Variants in NKIRAS1 observed in about 807,000 individuals in gnomAD.
The protein encoded by NKIRAS1 is NF-kappa-B inhibitor-interacting Ras-like protein 1.
Under a neutral mutation model 19.8 loss-of-function variants are expected in NKIRAS1, and 16 were observed. The observed-to-expected ratio is 0.81, with a 90% CI of 0.55 to 1.23. The LOEUF is 1.23. Ranked by LOEUF, NKIRAS1 falls within the 50% of genes most tolerant of loss-of-function variation. The probability of loss-of-function intolerance (pLI) is 0.00; values close to 1 mark genes in which losing one functional copy is unlikely to be tolerated. For missense variants in NKIRAS1, 184 were observed against 220.0 expected (o/e 0.84, Z 1.04); for synonymous variants, 88 against 79.0 (o/e 1.11, Z -0.61).
chr3:23,899,792 G>T (rs1702324515), intron 4 of NKIRAS1, among the ~76,000 whole-genome samples: 1 of 152,210 alleles, frequency 6.6e-6, no homozygotes, highest in South Asian at 2.1e-4. Context: ...TGGTATATGG[G>T]TAGAATCCAA....
intron 1 of NKIRAS1, among the ~76,000 whole-genome samples, chr3:23,938,272 C>T (rs1705433202): frequency 6.8e-6 from 1 of 147,102 alleles, no homozygotes; most frequent in Non-Finnish European, 1.5e-5. Flanking sequence ...TGCAGTAGTA[C>T]GATCACAACT....
At chr3:23,938,151 T>C (rs978060950) in intron 1 of NKIRAS1, among the ~76,000 whole-genome samples, 1 of 151,928 alleles carries the variant, frequency 6.6e-6, no homozygotes, top group African/African-American at 2.4e-5. Flanking sequence ...ATCCTAACAC[T>C]TAGAAAAATA....
At chr3:23,939,061 A>G (rs1575135256) in intron 1 of NKIRAS1, among the ~76,000 whole-genome samples, 1 of 152,344 alleles carries the variant, frequency 6.6e-6, no homozygotes, top group East Asian at 1.9e-4. Flanking sequence ...GCTTCATCAT[A>G]GATAACAAAA....
chr3:23,915,459 T>A (rs568251061), intron 1 of NKIRAS1, among the ~76,000 whole-genome samples: 2 of 152,238 alleles, frequency 1.3e-5, no homozygotes, highest in South Asian at 4.1e-4. Flanking sequence ...ACCAACAAAG[T>A]TGCTGAAATT....
upstream of NKIRAS1, chr3:23,921,565 ATTGAG>A: frequency 3.4e-6 from 2 of 595,246 alleles, no homozygotes; most frequent in Non-Finnish European, 3.0e-6. Flanking sequence ...AACATTGATT[ATTGAG>A]TTTTTTTTTT....
chr3:23,942,611 A>G (rs1401224203), intron 1 of NKIRAS1, among the ~76,000 whole-genome samples: 1 of 151,926 alleles, frequency 6.6e-6, no homozygotes, highest in Non-Finnish European at 1.5e-5. Flanking sequence ...TTGTATTTTT[A>G]GTAGAGACGG....
chr3:23,897,081 G>A (rs1369481706), intron 4 of NKIRAS1, among the ~76,000 whole-genome samples: 2 of 152,072 alleles, frequency 1.3e-5, no homozygotes, highest in East Asian at 1.9e-4. Context: ...GCATGGTGAT[G>A]TACTCCTGTA....
At chr3:23,944,331 G>A (rs1411352327) in intron 1 of NKIRAS1, among the ~76,000 whole-genome samples, 4 of 152,118 alleles carry the variant, frequency 2.6e-5, no homozygotes, top group Non-Finnish European at 5.9e-5. Context: ...CTATAGTGAA[G>A]AATTTCAGAG....
At chr3:23,906,391 T>C (rs957112630) in intron 3 of NKIRAS1, among the ~76,000 whole-genome samples, 10 of 152,142 alleles carry the variant, frequency 6.6e-5, no homozygotes, top group Admixed American at 1.3e-4. Flanking sequence ...TTGGCTTCCA[T>C]GAAAACAAAA....
intron 1 of NKIRAS1, chr3:23,945,495 GGGCGGCGCGGCGCTGAGGCGGCGGC>G: frequency 1.1e-6 from 1 of 873,580 alleles, no homozygotes; most frequent in Non-Finnish European, 1.4e-6. Flanking sequence ...TTCCAGCCCG[GGGCGGCGCGGCGCTGAGGCGGCGGC>G]GGCGGCGCTG....
upstream of NKIRAS1, chr3:23,918,099 G>A (rs572260705): frequency 5.3e-5 from 82 of 1,539,882 alleles, 2 homozygotes; most frequent in South Asian, 9.8e-4. Flanking sequence ...CCAGCTGTTA[G>A]GAAGACACTG....
chr3:23,902,839 C>T (rs757949799), intron 3 of NKIRAS1, among the ~76,000 whole-genome samples: 8 of 152,166 alleles, frequency 5.3e-5, no homozygotes, highest in Non-Finnish European at 1.0e-4. Context: ...TGAGTTCCAC[C>T]ATGAAAACAG....
At chr3:23,939,937 A>C (rs371394230) in intron 1 of NKIRAS1, among the ~76,000 whole-genome samples, 3 of 152,242 alleles carry the variant, frequency 2.0e-5, no homozygotes, top group Admixed American at 6.5e-5. Context: ...TGTAATGATG[A>C]ATTTGGTTGC....
chr3:23,940,168 CAAAAAAAAAAAAA>C (rs1293108063), intron 1 of NKIRAS1, among the ~76,000 whole-genome samples: 1 of 71,778 alleles, frequency 1.4e-5, no homozygotes, highest in Non-Finnish European at 2.8e-5. Flanking sequence ...CCATCTCTAC[CAAAAAAAAAAAAA>C]AAAAAAAAAA....
intron 3 of NKIRAS1, among the ~76,000 whole-genome samples, chr3:23,904,444 AG>A (rs1233122699): frequency 6.6e-6 from 1 of 152,154 alleles, no homozygotes; most frequent in African/African-American, 2.4e-5. Flanking sequence ...AGGGCAAGAG[AG>A]CACTCCCTTC....
chr3:23,945,582 G>C, intron 1 of NKIRAS1: 6 of 1,173,714 alleles, frequency 5.1e-6, no homozygotes, highest in Non-Finnish European at 6.4e-6. Context: ...GGGCACCATG[G>C]AGGTGAATGC....
intron 1 of NKIRAS1, among the ~76,000 whole-genome samples, chr3:23,930,170 A>G (rs1705281993): frequency 6.6e-6 from 1 of 152,206 alleles, no homozygotes; most frequent in South Asian, 2.1e-4. Context: ...AGAGTGTCAC[A>G]TTGAGAGCTG....
At chr3:23,905,460 C>A (rs1309992352) in intron 3 of NKIRAS1, among the ~76,000 whole-genome samples, 1 of 152,072 alleles carries the variant, frequency 6.6e-6, no homozygotes, top group Non-Finnish European at 1.5e-5. Context: ...GAGTTCCATA[C>A]CCATCAAAAT....
chr3:23,896,109 T>C (rs1701961090), intron 4 of NKIRAS1, among the ~76,000 whole-genome samples: 2 of 119,526 alleles, frequency 1.7e-5, no homozygotes, highest in Admixed American at 1.1e-4. Context: ...CACTCCAGCC[T>C]GGGAGATGGA....
Sources: allele counts gnomAD v4.1 joint callset (sites outside exome capture counted in the v4.1 genomes callset), GRCh38; gene constraint gnomAD v4.1.1; transcripts MANE v1.5; gene names NCBI Gene and HGNC (gene_info 2026-07-23, HGNC 2026-07-21).